The following FCN1 variants were observed in gnomAD, a reference collection of about 807,000 sequenced individuals.
The protein encoded by FCN1 is ficolin 1, also known as ficolin-1.
Under a neutral mutation model 35.6 loss-of-function variants are expected in FCN1, and 42 were observed. The observed-to-expected ratio is 1.18, with a 90% CI of 0.92 to 1.53. The LOEUF (loss-of-function observed/expected upper bound fraction) is 1.53. FCN1 is among the 40% of genes most tolerant of loss of function. The pLI, the probability that FCN1 is intolerant of heterozygous loss-of-function variation, is 0.00. For missense variants in FCN1, 439 were observed against 428.4 expected (o/e 1.02, Z -0.22); for synonymous variants, 179 against 169.8 (o/e 1.05, Z -0.42).
chr9:134,913,008 A>G lies in FCN1; in HGVS notation c.468+8T>C, dbSNP rs375462104. On this transcript the variant is annotated splice_region_variant and intron_variant, in intron 6 of 8. Transcript: ENST00000371806. ...AGGCTGACCGCCTCTGCCCAGCCCC[A>G]CACTCACGGTCCAGCCCCCTCCGTC... 87 of 1,609,512 alleles carry G rather than the reference A, an allele frequency of 5.4e-5. No homozygotes were observed. The African/African-American group carries it at 9.1e-4, about 17-fold the overall frequency.
In FCN1 at chr9:134,906,012, G is replaced by A. The variant is rs988375012; in HGVS notation, c.*3786C>T. 1 of 134,476 alleles carries A rather than the reference G, an allele frequency of 7.4e-6. No individual in the cohort carries two copies. The highest frequency in any genetic ancestry group is 3.2e-5 in the African/African-American group (1 of 31,696). 8.3% of individuals were successfully genotyped at this position (134,476 alleles called of 1,614,324 possible). On this transcript the variant is annotated 3_prime_UTR_variant, in exon 9 of 9. Coordinates refer to ENST00000371806, the MANE Select transcript of FCN1 (RefSeq NM_002003.5). ...CTTTTTATTTTTATTTTTTTTTTGA[G>A]GCGGAATCTCGCTCTGTTCCCCAGG... is the stretch of plus-strand genomic sequence containing the variant.
intron 3 of FCN1, 73 bp from the exon 4 acceptor site, chr9:134,914,493 G>C: frequency 7.0e-7 from 1 of 1,433,030 alleles, no homozygotes. Context: ...TCCAGAGTGG[G>C]CTCCCGGCCT....
rs1263722052 is a variant in FCN1 at position 134,905,306 on chromosome 9, C to T, written c.*4492G>A. ...TGCTGGATGGGCCCACGCCTACACT[C>T]CTACTTGAGAGGTCCCATGGCCAGG... On this transcript the variant is annotated 3_prime_UTR_variant, in exon 9 of 9. Transcript: ENST00000371806. Among the ~76,000 whole-genome samples, 3 of 152,180 alleles carry T rather than the reference C, an allele frequency of 2.0e-5. No individual in the cohort carries two copies. Among genetic ancestry groups the T allele is most frequent in the Admixed American group, 2.0e-4 (3 of 15,282 alleles).
rs2989735 is a variant in FCN1 at position 134,909,570 on chromosome 9, T to C, written c.*228A>G. ...ACCACTGGTGTTCAAGAAACACACA[T>C]TGAAACTGGTAAAACTTTTCTGTCC... On this transcript the variant is annotated 3_prime_UTR_variant, in exon 9 of 9. Transcript: ENST00000371806. 0.6 allele frequency: 878,060 copies of C among 1,454,350 alleles called. 267,593 individuals carry two copies. Among genetic ancestry groups the C allele is most frequent in the Non-Finnish European group, 0.62 (682,650 of 1,094,364 alleles). 90.1% of individuals were successfully genotyped at this position (1,454,350 alleles called of 1,614,324 possible). A position where few individuals can be genotyped will look rare whatever the true frequency, so the allele number is the denominator to read the frequency against.
At chr9:134,910,710 G>A (rs1831012482) in intron 8 of FCN1, among the ~76,000 whole-genome samples, 1 of 152,184 alleles carries the variant, frequency 6.6e-6, no homozygotes, top group Non-Finnish European at 1.5e-5. Context: ...CACGAACGAT[G>A]TGCACTGGGA....
chr9:134,916,225 C>A, intron 2 of FCN1, 123 bp downstream of exon 2: 3 of 781,888 alleles, frequency 3.8e-6, no homozygotes, highest in Non-Finnish European at 6.7e-6. Flanking sequence ...TAGCAGGGGC[C>A]TGACCCAGGC....
At chr9:134,915,682 G>A (rs747132866) in intron 2 of FCN1, among the ~76,000 whole-genome samples, 1 of 152,206 alleles carries the variant, frequency 6.6e-6, no homozygotes, top group Non-Finnish European at 1.5e-5. Context: ...TCCCCACCAA[G>A]TGCTCCGCAG....
intron 7 of FCN1, 106 bp from the exon 8 acceptor site, chr9:134,911,373 C>T (rs531365069): frequency 8.3e-5 from 80 of 966,452 alleles, no homozygotes; most frequent in Non-Finnish European, 1.1e-4. Flanking sequence ...AGACAGAGTT[C>T]CGCTCTTGTT....
chr9:134,910,135 A>G, intron 8 of FCN1, 90 bp from the exon 9 acceptor site: 1 of 1,227,480 alleles, frequency 8.1e-7, no homozygotes, highest in Non-Finnish European at 1.2e-6. Context: ...AGCAGAGCCA[A>G]CCTCACTTTA....
Position 134,909,696 on chromosome 9 carries a change from T to C in FCN1, c.*102A>G, listed in dbSNP as rs1243980725. Reference sequence around the variant, plus strand: ...GGCAAAGGGGCAGCTGTGGGCGTCATGGGAGTGTGTCTGGCTGGGGAAATG... The same window carrying C: ...GGCAAAGGGGCAGCTGTGGGCGTCACGGGAGTGTGTCTGGCTGGGGAAATG... On this transcript the variant is annotated 3_prime_UTR_variant, in exon 9 of 9. Transcript: ENST00000371806. 2.5e-6 allele frequency: 4 copies of C among 1,595,824 alleles called. No homozygotes were observed. The highest frequency in any genetic ancestry group is 1.7e-5 in the Admixed American group (1 of 59,858).
chr9:134,914,507 C>T, intron 3 of FCN1, 87 bp from the exon 4 acceptor site: 15 of 1,271,924 alleles, frequency 1.2e-5, no homozygotes, highest in Non-Finnish European at 1.7e-5. Context: ...CCGGCCTGGA[C>T]ACTGCATCTC....
chr9:134,911,278 A>C lies in FCN1; in HGVS notation c.599-11T>G. 1.2e-6 allele frequency: 2 copies of C among 1,613,924 alleles called. No homozygotes were observed. Among genetic ancestry groups the C allele is most frequent in the Non-Finnish European group, 1.7e-6 (2 of 1,179,840 alleles). On this transcript the variant is annotated splice_polypyrimidine_tract_variant and intron_variant, in intron 7 of 8. Transcript: ENST00000371806. The stretch of plus-strand genomic sequence containing the variant: ...GGAGCTCGCTGCTTCCTGTTGGAAA[A>C]AGATTTTAAGGCCCCAGCCTTTAAG...
At position 134,910,003 on chromosome 9, in the gene FCN1, T is replaced by C. The variant is rs1305018639; in HGVS notation, c.776A>G (p.Lys259Arg). 3 of 1,613,952 alleles carry C rather than the reference T, an allele frequency of 1.9e-6. No homozygotes were observed. The highest frequency in any genetic ancestry group is 2.5e-6 in the Non-Finnish European group (3 of 1,179,998). Residue 259 changes from lysine to arginine, a missense_variant, in exon 9 of 9, where the codon AAA (lysine) becomes AGA (arginine). Coordinates refer to ENST00000371806, the MANE Select transcript of FCN1 (RefSeq NM_002003.5). ...AGAACTCACATCATTGTCTTGGTCT[T>C]TGGTGGAGAAGAAGTTGTTGTTGTG... is the stretch of plus-strand genomic sequence containing the variant. The part of the protein sequence containing the change: ...TGHNNNFFST[K>R]DQDNDVSSSN...
rs746234917 is a variant in FCN1 at position 134,917,892 on chromosome 9, G to A, written c.-21C>T. ...TCCATGCTCTCTGGCCTTTGACTCT[G>A]AAGAGTCCCCCAGCTCTAACAGGGC... On this transcript the variant is annotated 5_prime_UTR_variant, in exon 1 of 9. Transcript: ENST00000371806. The A allele has an allele frequency of 3.9e-5, 61 of 1,545,320 alleles. No homozygotes were observed. Among genetic ancestry groups the A allele is most frequent in the South Asian group, 6.7e-5 (6 of 89,816 alleles).
rs1198781732 is a variant in FCN1 at position 134,916,631 on chromosome 9, G to A, written c.104-170C>T. Among the ~76,000 whole-genome samples, 5 of 152,376 alleles carry A rather than the reference G, an allele frequency of 3.3e-5. No individual in the cohort carries two copies. The South Asian group carries it at 6.2e-4, about 19-fold the overall frequency. On this transcript the variant is annotated intron_variant, in intron 1 of 8. Transcript: ENST00000371806. Reference sequence around the variant, plus strand: ...TTGGAGGCCACCCCGACCTAGGGGAGCCCCATCTCCTCAGTGCTGTGTGTC... The same window carrying A: ...TTGGAGGCCACCCCGACCTAGGGGAACCCCATCTCCTCAGTGCTGTGTGTC...
chr9:134,912,633 T>C lies in FCN1; in HGVS notation c.469-18A>G, dbSNP rs1357389290. On this transcript the variant is annotated intron_variant, in intron 6 of 8. Coordinates refer to ENST00000371806, the MANE Select transcript of FCN1 (RefSeq NM_002003.5). The stretch of plus-strand genomic sequence containing the variant: ...TGGAAAACCTGTGAAGAAGCCAGGA[T>C]ACAGAGTTAGGCGGGGCAGGCCGAG... 1.2e-6 allele frequency: 2 copies of C among 1,614,052 alleles called. No homozygotes were observed. Among genetic ancestry groups the C allele is most frequent in the Non-Finnish European group, 1.7e-6 (2 of 1,179,952 alleles).
At position 134,911,313 on chromosome 9, in the gene FCN1, T is replaced by G. The variant is rs768573355; in HGVS notation, c.599-46A>C. ...GGCCCCAGCCTTTAAGATCTTTCTG[T>G]CACCAGGCATGAGGGCTGGGGATGG... On this transcript the variant is annotated intron_variant, in intron 7 of 8. Transcript: ENST00000371806. The G allele has an allele frequency of 3.8e-6, 6 of 1,589,492 alleles. No individual in the cohort carries two copies. The South Asian group carries it at 6.7e-5, about 18-fold the overall frequency.
chr9:134,912,672 G>C, intron 6 of FCN1, 57 bp from the exon 7 acceptor site: 8 of 1,608,822 alleles, frequency 5.0e-6, no homozygotes, highest in Non-Finnish European at 6.8e-6. Flanking sequence ...CCACAGCACC[G>C]GGGACCCGCC....
rs1269536981 is a variant in FCN1 at position 134,904,255 on chromosome 9, T to C, written c.*5543A>G. On this transcript the variant is annotated 3_prime_UTR_variant, in exon 9 of 9. Transcript: ENST00000371806. ...GAAAAAAAATTTTATAAATGTATTT[T>C]TTGAAAAAAGTCATATTACCTTCAG... is the stretch of plus-strand genomic sequence containing the variant. Among the ~76,000 whole-genome samples, 1 of 152,198 alleles carries C rather than the reference T, an allele frequency of 6.6e-6. No individual in the cohort carries two copies. Among genetic ancestry groups the C allele is most frequent in the African/African-American group, 2.4e-5 (1 of 41,454 alleles).
Sources: allele counts gnomAD v4.1 joint callset (sites outside exome capture counted in the v4.1 genomes callset), GRCh38; gene constraint gnomAD v4.1.1; transcripts MANE v1.5; gene names NCBI Gene and HGNC (gene_info 2026-07-23, HGNC 2026-07-21).